Variants in OSBP2 observed in about 807,000 individuals in gnomAD.
The protein encoded by OSBP2 is oxysterol binding protein 2.
A neutral mutation model predicts 96.0 loss-of-function variants in OSBP2; 66 were observed. The ratio of observed to expected loss-of-function variants is 0.69; its 90% CI spans 0.56 to 0.84. The LOEUF (loss-of-function observed/expected upper bound fraction) is 0.84. Among genes scored for constraint, OSBP2 ranks in the 40% least tolerant of loss-of-function variants. The probability of loss-of-function intolerance (pLI) is 0.00; values close to 1 mark genes in which losing one functional copy is unlikely to be tolerated. For missense variants in OSBP2, 1,038 were observed against 1,222.7 expected (o/e 0.85, Z 2.25); for synonymous variants, 525 against 520.9 (o/e 1.01, Z -0.11).
chr22:30,797,079 A>G (rs571431014), intron 2 of OSBP2, among the ~76,000 whole-genome samples: 3 of 152,170 alleles, frequency 2.0e-5, no homozygotes, highest in Non-Finnish European at 2.9e-5. Context: ...GGTACCTCAT[A>G]TAAGTGGAAT....
chr22:30,748,152 C>T (rs530882156), intron 2 of OSBP2, among the ~76,000 whole-genome samples: 1 of 151,632 alleles, frequency 6.6e-6, no homozygotes, highest in South Asian at 2.1e-4. Flanking sequence ...GCTGGGATTA[C>T]AGCCATGAGC....
chr22:30,889,520 G>A lies in OSBP2; in HGVS notation c.1507G>A (p.Gly503Ser). Residue 503 changes from glycine to serine, a missense_variant, in exon 7 of 14, where the codon GGT becomes AGT. Around this residue, in one of 3 missense-constraint regions of OSBP2, gnomAD observed 737 missense variants for 913.3 expected, o/e 0.81. Coordinates refer to ENST00000332585, the MANE Select transcript of OSBP2 (RefSeq NM_030758.4). ...VLDGASLVPK[G>S]SSKVKRRVRI... ...AGATGGTGCCTCGCTCGTGCCCAAG[G>A]GTTCATCCAAAGTCAAGAGGCGAGT... The A allele has an allele frequency of 6.2e-7, 1 of 1,614,110 alleles. No homozygotes were observed. The highest frequency in any genetic ancestry group is 2.2e-5 in the East Asian group (1 of 44,864).
chr22:30,876,946 C>T (rs1317602380), intron 3 of OSBP2, among the ~76,000 whole-genome samples: 3 of 152,200 alleles, frequency 2.0e-5, no homozygotes, highest in African/African-American at 7.2e-5. Flanking sequence ...AACACCTCCC[C>T]TGTCTACCCT....
chr22:30,757,152 C>T (rs1483818744), intron 2 of OSBP2, among the ~76,000 whole-genome samples: 1 of 152,172 alleles, frequency 6.6e-6, no homozygotes, highest in Non-Finnish European at 1.5e-5. Context: ...TCCCATCTCC[C>T]AGGGACGTCC....
intron 12 of OSBP2, among the ~76,000 whole-genome samples, chr22:30,901,229 C>T (rs553110699): frequency 2.0e-5 from 3 of 152,034 alleles, no homozygotes; most frequent in South Asian, 4.2e-4. Context: ...CCACCACGCC[C>T]GACTAATTTT....
intron 2 of OSBP2, among the ~76,000 whole-genome samples, chr22:30,846,018 G>A (rs904860037): frequency 7.9e-5 from 12 of 152,084 alleles, no homozygotes; most frequent in Admixed American, 2.0e-4. Flanking sequence ...ACATTCATGT[G>A]TGAGTTTTTG....
At chr22:30,762,242 TAAAATA>T (rs2090214108) in intron 2 of OSBP2, among the ~76,000 whole-genome samples, 1 of 150,226 alleles carries the variant, frequency 6.7e-6, no homozygotes, top group African/African-American at 2.5e-5. Flanking sequence ...AAATAAAAAA[TAAAATA>T]AAAATAAAAT....
rs1366684425 is a variant in OSBP2, at chr22:30,893,985, A to G, written c.2359A>G (p.Lys787Glu). The G allele has an allele frequency of 1.9e-6, 3 of 1,597,192 alleles. No individual in the cohort carries two copies. Among genetic ancestry groups the G allele is most frequent in the African/African-American group, 2.7e-5 (2 of 74,810 alleles). Residue 787 changes from lysine to glutamate, a missense_variant, in exon 12 of 14, where the codon AAG becomes GAG. This residue lies in a region of OSBP2 where 737 missense variants were observed against 913.3 expected (regional missense o/e 0.81). Transcript: ENST00000332585. ...GACCCTGTCAGCCAAGCTGCTGTGG[A>G]AGAAGTACCCGCTGCCGTGAGTAGG... ...YQTLSAKLLW[K>E]KYPLPENAEN...
chr22:30,898,153 C>A (rs2040107356), intron 12 of OSBP2, among the ~76,000 whole-genome samples: 1 of 151,998 alleles, frequency 6.6e-6, no homozygotes, highest in African/African-American at 2.4e-5. Context: ...AAAGCCTGCG[C>A]AACATAGTGA....
At chr22:30,808,887 G>A (rs1474657756) in intron 2 of OSBP2, among the ~76,000 whole-genome samples, 1 of 152,172 alleles carries the variant, frequency 6.6e-6, no homozygotes, top group Non-Finnish European at 1.5e-5. Flanking sequence ...CCGGAAGGTG[G>A]AGGCTGCAGT....
At chr22:30,895,966 G>C (rs1227873626) in intron 12 of OSBP2, among the ~76,000 whole-genome samples, 1 of 151,572 alleles carries the variant, frequency 6.6e-6, no homozygotes, top group Non-Finnish European at 1.5e-5. Context: ...TAAAGGGGAG[G>C]ATGGGGGGAG....
At chr22:30,731,644 CATG>C (rs1202657010) in intron 1 of OSBP2, 1 of 154,380 alleles carries the variant, frequency 6.5e-6, no homozygotes, top group Non-Finnish European at 1.5e-5. Flanking sequence ...CGTGCCCTCC[CATG>C]ATATCAGCTC....
intron 1 of OSBP2, among the ~76,000 whole-genome samples, chr22:30,737,377 G>A (rs891005147): frequency 7.4e-6 from 1 of 135,062 alleles, no homozygotes; most frequent in African/African-American, 2.8e-5. Flanking sequence ...AGGCTGGAAT[G>A]CAGTGGCATG....
At chr22:30,732,323 T>C (rs2089793248) in intron 1 of OSBP2, among the ~76,000 whole-genome samples, 1 of 151,902 alleles carries the variant, frequency 6.6e-6, no homozygotes, top group Non-Finnish European at 1.5e-5. Flanking sequence ...AATAAATAAA[T>C]AAAAATAAGA....
intron 2 of OSBP2, among the ~76,000 whole-genome samples, chr22:30,864,691 C>T (rs893611827): frequency 1.3e-5 from 2 of 152,150 alleles, no homozygotes; most frequent in Non-Finnish European, 2.9e-5. Flanking sequence ...CGGCCTGTCC[C>T]CTGCCAGGCC....
At chr22:30,736,304 C>G (rs906179709) in intron 1 of OSBP2, among the ~76,000 whole-genome samples, 42 of 152,202 alleles carry the variant, frequency 2.8e-4, no homozygotes, top group Non-Finnish European at 2.9e-4. Flanking sequence ...TTTTCAGGCT[C>G]ATCTCGACTG....
intron 2 of OSBP2, among the ~76,000 whole-genome samples, chr22:30,764,547 A>G (rs760151582): frequency 3.9e-5 from 6 of 152,018 alleles, no homozygotes; most frequent in Non-Finnish European, 7.4e-5. Context: ...GGCTTGGTCC[A>G]CTTAACAGTC....
intron 2 of OSBP2, among the ~76,000 whole-genome samples, chr22:30,796,526 A>T (rs2090764286): frequency 6.6e-6 from 1 of 151,700 alleles, no homozygotes. Context: ...ATTTATTTGA[A>T]ACAGGTTCTT....
At chr22:30,788,213 TC>T (rs780615021) in intron 2 of OSBP2, among the ~76,000 whole-genome samples, 2 of 152,138 alleles carry the variant, frequency 1.3e-5, no homozygotes, top group Non-Finnish European at 2.9e-5. Flanking sequence ...GACAGTTTGA[TC>T]AGCTGCAAAG....
Sources: gnomAD v4.1 joint callset for allele counts (sites outside exome capture counted in the v4.1 genomes callset) on GRCh38, gnomAD v4.1.1 for gene constraint, gnomAD v4.1.1 regional missense constraint, MANE v1.5 for transcripts, NCBI Gene and HGNC (gene_info 2026-07-23, HGNC 2026-07-21) for gene names.